TXNRD3: variants seen among roughly 807,000 people sequenced by gnomAD.
TXNRD3 encodes thioredoxin reductase 3.
TXNRD3 carries 68 observed loss-of-function variants against 78.2 expected under a neutral mutation model. That is an observed-to-expected ratio of 0.87 (90% CI 0.72 to 1.06). TXNRD3 has a LOEUF of 1.06. Ranked by LOEUF, TXNRD3 falls within the 50% of genes least tolerant of loss-of-function variation. TXNRD3 has a pLI of 0.00. For synonymous variants in TXNRD3, 296 were observed against 300.1 expected (o/e 0.99, Z 0.14); for missense variants, 751 against 809.5 (o/e 0.93, Z 0.88).
At chr3:126,649,468 A>T (rs977499594) in intron 1 of TXNRD3, among the ~76,000 whole-genome samples, 4 of 152,256 alleles carry the variant, frequency 2.6e-5, no homozygotes, top group Admixed American at 2.0e-4. Context: ...GAAATATCAC[A>T]TAATCAAGCA....
chr3:126,654,843 C>T lies in TXNRD3; in HGVS notation c.148G>A (p.Glu50Lys). 1 of 1,370,814 alleles carries T rather than the reference C, an allele frequency of 7.3e-7. No individual in the cohort carries two copies. Among genetic ancestry groups the T allele is most frequent in the Non-Finnish European group, 9.4e-7 (1 of 1,067,420 alleles). 84.9% of individuals were successfully genotyped at this position (1,370,814 alleles called of 1,614,324 possible). ...TGGCGGCGCAGCTCCTCGCGGGCCT[C>T]GGACGAGCGGCTGGGCCCGGGGGAC... The change falls in exon 1 of 16, where the codon GAG becomes AAG. Residue 50 changes from glutamate to lysine, a missense_variant. Glu to Lys is a moderately conservative substitution (Grantham distance 56). Transcript: ENST00000524230.
chr3:126,634,028 T>C lies in TXNRD3; in HGVS notation c.736A>G (p.Thr246Ala), dbSNP rs61753561. Residue 246 changes from threonine to alanine, a missense_variant, in exon 7 of 16, where the codon ACA becomes GCA. By Grantham distance (58) the Thr-to-Ala change is moderately conservative. Transcript: ENST00000524230. ...CTGATGTGGTTCTGAATCGCTTTTG[T>C]CATTGTCTCCCAGTTGTGCCTCACT... The C allele has an allele frequency of 6.1e-4, 925 of 1,516,608 alleles. 5 individuals are homozygous for C. The African/African-American group carries it at 9.4e-3, about 15-fold the overall frequency. The allele number at this position is 1,516,608 out of a possible 1,614,324, so 93.9% of individuals were successfully genotyped here.
At chr3:126,631,596 C>T (rs559496042) in intron 8 of TXNRD3, among the ~76,000 whole-genome samples, 168 bp downstream of exon 8, 9 of 151,490 alleles carry the variant, frequency 5.9e-5, no homozygotes, top group African/African-American at 2.2e-4. Context: ...ATTTACCTGA[C>T]CTTATATTCT....
chr3:126,650,723 C>G (rs1012086094), intron 1 of TXNRD3, among the ~76,000 whole-genome samples: 1 of 152,008 alleles, frequency 6.6e-6, no homozygotes, highest in Non-Finnish European at 1.5e-5. Context: ...GATTCCCTTG[C>G]ATATACTTTG....
At chr3:126,651,100 A>G (rs1035743794) in intron 1 of TXNRD3, among the ~76,000 whole-genome samples, 4 of 152,236 alleles carry the variant, frequency 2.6e-5, no homozygotes, top group African/African-American at 9.7e-5. Context: ...CTCTGCAAGG[A>G]TAAGAACATA....
At chr3:126,620,015 G>C (rs1938412041) in intron 12 of TXNRD3, among the ~76,000 whole-genome samples, 1 of 152,192 alleles carries the variant, frequency 6.6e-6, no homozygotes, top group Admixed American at 6.5e-5. Flanking sequence ...CACACTCTTG[G>C]CCGGGCACGG....
intron 1 of TXNRD3, among the ~76,000 whole-genome samples, chr3:126,653,666 C>A (rs992402712): frequency 1.3e-5 from 2 of 152,244 alleles, no homozygotes; most frequent in Non-Finnish European, 2.9e-5. Flanking sequence ...AGAAATCATG[C>A]ATCCTTTATG....
intron 6 of TXNRD3, among the ~76,000 whole-genome samples, chr3:126,634,513 G>A (rs971766879): frequency 2.6e-5 from 4 of 152,180 alleles, no homozygotes; most frequent in Non-Finnish European, 5.9e-5. Flanking sequence ...GTGGTTTCAT[G>A]ACAGTGAATA....
At chr3:126,647,377 C>T in intron 1 of TXNRD3, 81 bp from the exon 2 acceptor site, 5 of 1,016,960 alleles carry the variant, frequency 4.9e-6, no homozygotes, top group Non-Finnish European at 7.2e-6. Context: ...TGAGAGATGT[C>T]AACAATAAAT....
At chr3:126,620,514 A>G (rs1938427201) in intron 12 of TXNRD3, among the ~76,000 whole-genome samples, 1 of 152,134 alleles carries the variant, frequency 6.6e-6, no homozygotes, top group African/African-American at 2.4e-5. Flanking sequence ...AGCTCAGCAA[A>G]ACAAAAAAGG....
At chr3:126,621,924 A>G (rs1451761092) in intron 11 of TXNRD3, 26 bp from the exon 12 acceptor site, 1 of 1,482,030 alleles carries the variant, frequency 6.7e-7, no homozygotes, top group East Asian at 2.5e-5. Context: ...ATGGGAAAAA[A>G]TATATATTAC....
At chr3:126,628,027 GAAT>G in intron 10 of TXNRD3, among the ~76,000 whole-genome samples, 1 of 152,194 alleles carries the variant, frequency 6.6e-6, no homozygotes, top group East Asian at 1.9e-4. Flanking sequence ...AAAGTTGGTT[GAAT>G]ATTAGAAAAT....
At position 126,621,762 on chromosome 3, in the gene TXNRD3, A is replaced by T. The variant is rs1397744150; in HGVS notation, c.1504T>A (p.Phe502Ile). 1 of 1,515,634 alleles carries T rather than the reference A, an allele frequency of 6.6e-7. No homozygotes were observed. Among genetic ancestry groups the T allele is most frequent in the Non-Finnish European group, 8.8e-7 (1 of 1,141,220 alleles). 93.9% of individuals were successfully genotyped at this position (1,515,634 alleles called of 1,614,324 possible). A position where few individuals can be genotyped will look rare whatever the true frequency, so the allele number is the denominator to read the frequency against. ...CTTACCTTTTCTAAAGAGGCCCCAAAAAGTCTCTGAGCTAGCAGCTTGCCT... is the reference window on the plus strand; with the variant it reads ...CTTACCTTTTCTAAAGAGGCCCCAATAAGTCTCTGAGCTAGCAGCTTGCCT... Residue 502 changes from phenylalanine to isoleucine, a missense_variant, in exon 12 of 16, where the codon TTT becomes ATT. Coordinates refer to ENST00000524230, the MANE Select transcript of TXNRD3 (RefSeq NM_052883.3).
rs1165150807 is a variant in TXNRD3 at position 126,621,750 on chromosome 3, A to G, written c.1516T>C (p.Leu506=). The change falls in exon 12 of 16, where the codon TTA becomes CTA. Residue 506 remains leucine, a synonymous_variant. Coordinates refer to ENST00000524230, the MANE Select transcript of TXNRD3 (RefSeq NM_052883.3). ...AACAGTAAGAAACTTACCTTTTCTAAAGAGGCCCCAAAAAGTCTCTGAGCT... is the reference window on the plus strand; with the variant it reads ...AACAGTAAGAAACTTACCTTTTCTAGAGAGGCCCCAAAAAGTCTCTGAGCT... 6.6e-7 allele frequency: 1 copy of G among 1,509,420 alleles called. No individual in the cohort carries two copies. Among genetic ancestry groups the G allele is most frequent in the Admixed American group, 2.3e-5 (1 of 42,596 alleles). 93.5% of individuals were successfully genotyped at this position (1,509,420 alleles called of 1,614,324 possible).
At position 126,611,268 on chromosome 3, in the gene TXNRD3, T is replaced by C. The variant is rs1259211620; in HGVS notation, c.1633-136A>G. 5 of 485,468 alleles carry C rather than the reference T, an allele frequency of 1.0e-5. No homozygotes were observed. The Admixed American group carries it at 1.2e-4, about 12-fold the overall frequency. 30.1% of individuals were successfully genotyped at this position (485,468 alleles called of 1,614,324 possible). ...TCAAAGTTCAGTGACCCCAACTTTA[T>C]GTATCTGTTGGGAGCCCCAGGGTCA... On this transcript the variant is annotated intron_variant, in intron 13 of 15. Transcript: ENST00000524230.
chr3:126,651,463 A>T (rs555982241), intron 1 of TXNRD3, among the ~76,000 whole-genome samples: 1 of 152,352 alleles, frequency 6.6e-6, no homozygotes, highest in Non-Finnish European at 1.5e-5. Context: ...ACACATACAG[A>T]ATAGAGGATC....
In TXNRD3 at chr3:126,655,034, C is replaced by A; in HGVS notation, c.-44G>T. The A allele has an allele frequency of 7.7e-7, 1 of 1,292,002 alleles. No homozygotes were observed. Among genetic ancestry groups the A allele is most frequent in the Non-Finnish European group, 9.8e-7 (1 of 1,021,230 alleles). 80.0% of individuals were successfully genotyped at this position (1,292,002 alleles called of 1,614,324 possible). On this transcript the variant is annotated 5_prime_UTR_variant, in exon 1 of 16. Coordinates refer to ENST00000524230, the MANE Select transcript of TXNRD3 (RefSeq NM_052883.3). ...GGCCCGGCCGGGCCTGCTCACAAACCGAAACGCAGGCGGCTGCGGCGCCGG... is the reference window on the plus strand; with the variant it reads ...GGCCCGGCCGGGCCTGCTCACAAACAGAAACGCAGGCGGCTGCGGCGCCGG...
At chr3:126,623,715 G>A (rs1938505896) in intron 10 of TXNRD3, among the ~76,000 whole-genome samples, 1 of 152,042 alleles carries the variant, frequency 6.6e-6, no homozygotes, top group Non-Finnish European at 1.5e-5. Context: ...GGCAAGTGTA[G>A]CAAACTTACA....
intron 6 of TXNRD3, among the ~76,000 whole-genome samples, chr3:126,636,802 C>G (rs1278232318): frequency 6.6e-6 from 1 of 152,172 alleles, no homozygotes; most frequent in Non-Finnish European, 1.5e-5. Flanking sequence ...CTAGCTTTTC[C>G]AGAACAGTGT....
Sources: gnomAD v4.1 joint callset for allele counts (sites outside exome capture counted in the v4.1 genomes callset) on GRCh38, gnomAD v4.1.1 for gene constraint, MANE v1.5 for transcripts, NCBI Gene and HGNC (gene_info 2026-07-23, HGNC 2026-07-21) for gene names.